The following BTK variants were observed in gnomAD, a reference collection of about 807,000 sequenced individuals.
BTK encodes tyrosine-protein kinase BTK.
BTK carries 5 observed loss-of-function variants against 57.4 expected under a neutral mutation model. The ratio of observed to expected loss-of-function variants is 0.09; its 90% CI spans 0.05 to 0.18. The LOEUF is 0.18. Ranked by LOEUF, BTK falls within the 10% of genes least tolerant of loss-of-function variation. The probability of loss-of-function intolerance (pLI) is 1.00; values close to 1 mark genes in which losing one functional copy is unlikely to be tolerated. For missense variants in BTK, 194 were observed against 501.2 expected, an observed-to-expected ratio of 0.39 and a Z score of 5.85; for synonymous variants, 154 against 174.3, an observed-to-expected ratio of 0.88 and a Z score of 0.92.
chrX:101,382,454 G>A (rs1315991873), intron 1 of BTK, among the ~76,000 whole-genome samples: 1 of 110,765 alleles, frequency 9.0e-6, no homozygotes, highest in Non-Finnish European at 1.9e-5. Context: ...AGCCTCCTGA[G>A]TAGCTTGGAC....
intron 18 of BTK, 86 bp downstream of exon 18, chrX:101,353,108 C>T (rs1926348781): frequency 1.2e-6 from 1 of 842,448 alleles, no homozygotes; most frequent in South Asian, 2.2e-5. Context: ...ATGTGTGCAG[C>T]TATCAGTCTT....
At chrX:101,351,745 T>C (rs1926292138) in intron 18 of BTK, among the ~76,000 whole-genome samples, 1 of 111,532 alleles carries the variant, frequency 9.0e-6, no homozygotes, top group Non-Finnish European at 1.9e-5. Flanking sequence ...CAGATTTCCT[T>C]ATTTCCAAAA....
intron 5 of BTK, among the ~76,000 whole-genome samples, chrX:101,367,763 T>C (rs1390640118): frequency 4.5e-5 from 5 of 111,778 alleles, no homozygotes; most frequent in African/African-American, 1.6e-4. Context: ...AGCATGCCAG[T>C]TTCTCCCTTA....
intron 5 of BTK, 105 bp downstream of exon 5, chrX:101,369,893 T>TTCTTTCTCGTTTCTCTC: frequency 1.3e-6 from 1 of 786,728 alleles, no homozygotes; most frequent in Non-Finnish European, 1.9e-6. Context: ...TCCTTTCTCT[T>TTCTTTCTCGTTTCTCTC]TCTTTCTCGT....
rs1385972271 is a variant in BTK, at chrX:101,349,783, AG to A, written c.*101del. The A allele has an allele frequency of 1.4e-5, 10 of 699,423 alleles. No individual in the cohort carries two copies. The Admixed American group carries it at 2.2e-4, about 15-fold the overall frequency. 57.6% of individuals were successfully genotyped at this position (699,423 alleles called of 1,213,427 possible). Reference sequence around the variant, plus strand: ...GAGGGGCCTTTTTGTATTGAGTGGGAGCACAAAGGCTCCAGGGCTCCTAAGC... The same window carrying A: ...GAGGGGCCTTTTTGTATTGAGTGGGACACAAAGGCTCCAGGGCTCCTAAGC... On this transcript the variant is annotated 3_prime_UTR_variant, in exon 19 of 19. Transcript: ENST00000308731.
At chrX:101,360,256 A>G in intron 8 of BTK, 106 bp from the exon 9 acceptor site, 1 of 599,434 alleles carries the variant, frequency 1.7e-6, no homozygotes, top group Non-Finnish European at 2.9e-6. Flanking sequence ...AAATGGAGGT[A>G]TATGTATCAT....
intron 1 of BTK, among the ~76,000 whole-genome samples, chrX:101,376,733 G>C (rs985606087): frequency 2.8e-5 from 3 of 107,665 alleles, no homozygotes; most frequent in Admixed American, 2.0e-4. Flanking sequence ...TTCCTCTGGT[G>C]GGGGGGTGGG....
chrX:101,377,315 C>T (rs1927244980), intron 1 of BTK, among the ~76,000 whole-genome samples: 1 of 111,586 alleles, frequency 9.0e-6, no homozygotes, highest in Admixed American at 9.6e-5. Context: ...GAACTACCAA[C>T]TCATTGAGAG....
At chrX:101,382,202 T>C (rs1269415524) in intron 1 of BTK, among the ~76,000 whole-genome samples, 1 of 110,847 alleles carries the variant, frequency 9.0e-6, no homozygotes, top group Non-Finnish European at 1.9e-5. Flanking sequence ...GATGAAGGCA[T>C]CAAGCCAAAC....
upstream of BTK, among the ~76,000 whole-genome samples, chrX:101,388,418 C>T (rs3027604): frequency 0.081 from 9,063 of 111,851 alleles, 910 homozygotes; most frequent in African/African-American, 0.28. Context: ...CTGAGTGTCA[C>T]CTGAAGAGAT....
chrX:101,384,810 A>G (rs1927563440), intron 1 of BTK, among the ~76,000 whole-genome samples: 1 of 111,321 alleles, frequency 9.0e-6, no homozygotes, highest in Non-Finnish European at 1.9e-5. Flanking sequence ...GGAAAGTGAC[A>G]TTATTTTATC....
chrX:101,377,903 C>T (rs1927265086), intron 1 of BTK: 1 of 111,436 alleles, frequency 9.0e-6, no homozygotes, highest in Admixed American at 9.5e-5. Flanking sequence ...CCAGTCCAGA[C>T]TCACACAGCC....
At chrX:101,373,636 T>C (rs1927112622) in intron 3 of BTK, among the ~76,000 whole-genome samples, 1 of 112,468 alleles carries the variant, frequency 8.9e-6, no homozygotes, top group Non-Finnish European at 1.9e-5. Context: ...AATATGTTGA[T>C]AGTTGTTTTA....
upstream of BTK, among the ~76,000 whole-genome samples, chrX:101,387,326 A>C (rs782418812): frequency 5.8e-5 from 6 of 102,935 alleles, no homozygotes; most frequent in South Asian, 2.9e-3. Flanking sequence ...CTCACCCCCA[A>C]GCCCCAACAG....
chrX:101,376,403 G>A (rs1372969439), intron 1 of BTK, among the ~76,000 whole-genome samples: 3 of 111,770 alleles, frequency 2.7e-5, no homozygotes, highest in Non-Finnish European at 3.8e-5. Context: ...CGAGGCTGGC[G>A]GATCACCTGA....
rs1926196309 is a variant in BTK, at chrX:101,349,479, CAA to C, written c.*404_*405del. The C allele has an allele frequency of 5.3e-6, 1 of 190,188 alleles. No homozygotes were observed. The highest frequency in any genetic ancestry group is 9.9e-6 in the Non-Finnish European group (1 of 100,856). The allele number at this position is 190,188 out of a possible 1,213,427, so 15.7% of individuals were successfully genotyped here. ...AAGCTTTCTAGTAATTTTATTTTAT[CAA>C]AACACCCTCCCCTCCCATCTTTATG... On this transcript the variant is annotated 3_prime_UTR_variant, in exon 19 of 19. Transcript: ENST00000308731.
rs1033374210 is a variant in BTK at position 101,354,640 on chromosome X, C to T, written c.1621G>A (p.Gly541Ser). The T allele has an allele frequency of 1.7e-6, 2 of 1,209,636 alleles. No homozygotes were observed. The highest frequency in any genetic ancestry group is 3.0e-5 in the East Asian group (1 of 33,763). The change falls in exon 16 of 19, where the codon GGC (glycine) becomes AGC (serine). Residue 541 changes from glycine (G) to serine (S), a missense_variant. Around this residue, in one of 3 missense-constraint regions of BTK, gnomAD observed 79 missense variants for 217.7 expected, o/e 0.36. Transcript: ENST00000308731. Reference protein sequence around the residue: ...DQGVVKVSDFGLSRYVLDDEY... With the variant: ...DQGVVKVSDFSLSRYVLDDEY... Reference sequence around the variant, plus strand: ...AAAAGCCACACTCACCTGGACAGGCCGAAATCAGATACTTTAACAACTCCT... The same window carrying T: ...AAAAGCCACACTCACCTGGACAGGCTGAAATCAGATACTTTAACAACTCCT...
Position 101,356,204 on chromosome X carries a change from T to G in BTK, c.1414A>C (p.Ile472Leu). Residue 472 changes from isoleucine (I) to leucine (L), a missense_variant, in exon 15 of 19, where the codon ATC (isoleucine) becomes CTC (leucine). Transcript: ENST00000308731. ...CCATTGGCCATGTACTCAGTGATGA[T>G]GAAGATGGGGCGCTGCTTGGTGCAG... ...GVCTKQRPIF[I>L]ITEYMANGCL... 3 of 1,211,843 alleles carry G rather than the reference T, an allele frequency of 2.5e-6. No individual in the cohort carries two copies. Among genetic ancestry groups the G allele is most frequent in the Non-Finnish European group, 3.3e-6 (3 of 895,530 alleles).
intron 18 of BTK, among the ~76,000 whole-genome samples, chrX:101,350,780 A>AT (rs1339733740): frequency 1.8e-5 from 2 of 110,929 alleles, no homozygotes; most frequent in Non-Finnish European, 3.8e-5. Flanking sequence ...GCCATGGCCC[A>AT]TAAGCCCCCG....
Sources: gnomAD v4.1 joint callset for allele counts (sites outside exome capture counted in the v4.1 genomes callset) on GRCh38, gnomAD v4.1.1 for gene constraint, gnomAD v4.1.1 regional missense constraint, MANE v1.5 for transcripts, NCBI Gene and HGNC (gene_info 2026-07-23, HGNC 2026-07-21) for gene names.